MX2: variants seen among roughly 807,000 people sequenced by gnomAD.
MX2 encodes interferon-induced GTP-binding protein Mx2.
Under a neutral mutation model 74.0 loss-of-function variants are expected in MX2, and 51 were observed. The observed-to-expected ratio is 0.69, with a 90% CI of 0.55 to 0.87. The LOEUF (loss-of-function observed/expected upper bound fraction) is 0.87. MX2 is among the 40% of genes least tolerant of loss of function. MX2 has a pLI of 0.00. For synonymous variants in MX2, 369 were observed against 339.3 expected (o/e 1.09, Z -0.96); for missense variants, 832 against 908.7 (o/e 0.92, Z 1.09).
intron 4 of MX2, among the ~76,000 whole-genome samples, chr21:41,381,116 G>A (rs557531997): frequency 9.1e-4 from 138 of 152,306 alleles, no homozygotes; most frequent in African/African-American, 3.3e-3. Context: ...CCCAAATAGA[G>A]AGGTCTTCAC....
At chr21:41,375,136 T>G (rs1254684240) in intron 1 of MX2, among the ~76,000 whole-genome samples, 1 of 152,190 alleles carries the variant, frequency 6.6e-6, no homozygotes, top group African/African-American at 2.4e-5. Context: ...CACCCTCCAG[T>G]GGGCACCCAA....
chr21:41,381,454 GGC>G (rs1186215911), intron 4 of MX2, among the ~76,000 whole-genome samples: 7 of 152,128 alleles, frequency 4.6e-5, no homozygotes, highest in South Asian at 2.1e-4. Context: ...GGGAGGCCGA[GGC>G]AGGCGGATCA....
Position 41,404,564 on chromosome 21 carries a change from C to T in MX2, c.1650+1221C>T, listed in dbSNP as rs181697396. ...ACTTCAGTATTTAAAAAGGAAAGAGCGAGCAGGTGGGGAAGAAAGAAGGAA... is the reference window on the plus strand; with the variant it reads ...ACTTCAGTATTTAAAAAGGAAAGAGTGAGCAGGTGGGGAAGAAAGAAGGAA... On this transcript the variant is annotated intron_variant, in intron 12 of 13. Coordinates refer to ENST00000330714, the MANE Select transcript of MX2 (RefSeq NM_002463.2). 152 of 152,228 alleles carry T rather than the reference C, an allele frequency of 1.0e-3. 1 individual carries two copies. The highest frequency in any genetic ancestry group is 5.8e-4 in the East Asian group (3 of 5,182). 9.4% of individuals were successfully genotyped at this position (152,228 alleles called of 1,614,324 possible).
Position 41,394,394 on chromosome 21 carries a change from C to A in MX2, c.872-1193C>A, listed in dbSNP as rs115821414. Among the ~76,000 whole-genome samples the A allele has an allele frequency of 1.9e-3, 293 of 152,288 alleles. 2 individuals carry two copies. The highest frequency in any genetic ancestry group is 6.2e-3 in the African/African-American group (258 of 41,558). On this transcript the variant is annotated intron_variant, in intron 6 of 13. Coordinates refer to ENST00000330714, the MANE Select transcript of MX2 (RefSeq NM_002463.2). ...CCCCACTAGGCTGACTCCTCCCTTCCTTCAGATGTCAGTCCAAATGTTGCC... is the reference window on the plus strand; with the variant it reads ...CCCCACTAGGCTGACTCCTCCCTTCATTCAGATGTCAGTCCAAATGTTGCC...
intron 12 of MX2, 128 bp downstream of exon 12, chr21:41,403,471 AGGGCTGGCG>A (rs896136689): frequency 2.2e-6 from 2 of 894,944 alleles, no homozygotes; most frequent in African/African-American, 3.3e-5. Flanking sequence ...CGAGGCTGGC[AGGGCTGGCG>A]GGGCTGGTGG....
At chr21:41,397,840 A>C in intron 8 of MX2, 149 bp downstream of exon 8, 1 of 597,234 alleles carries the variant, frequency 1.7e-6, no homozygotes, top group Non-Finnish European at 2.9e-6. Flanking sequence ...TCACAGGCTC[A>C]CTGGAAGAAC....
intron 1 of MX2, among the ~76,000 whole-genome samples, chr21:41,374,278 T>C (rs371175822): frequency 3.9e-5 from 6 of 152,344 alleles, no homozygotes; most frequent in African/African-American, 1.4e-4. Context: ...GCCCCAACCC[T>C]ACTTTCTAAT....
At position 41,379,311 on chromosome 21, in the gene MX2, C is replaced by T. The variant is rs775607025; in HGVS notation, c.443-706C>T. ...CGGGACAATACCTCCCTATAGGGCACGGGACAAAGGTCGCGGGTTCTCAGG... is the reference window on the plus strand; with the variant it reads ...CGGGACAATACCTCCCTATAGGGCATGGGACAAAGGTCGCGGGTTCTCAGG... On this transcript the variant is annotated intron_variant, in intron 3 of 13. Coordinates refer to ENST00000330714, the MANE Select transcript of MX2 (RefSeq NM_002463.2). Among the ~76,000 whole-genome samples the T allele has an allele frequency of 2.8e-4, 43 of 152,164 alleles. 1 individual carries two copies. The highest frequency in any genetic ancestry group is 3.9e-4 in the Admixed American group (6 of 15,282).
At chr21:41,405,940 G>A (rs1312234674) in intron 12 of MX2, among the ~76,000 whole-genome samples, 2 of 151,898 alleles carry the variant, frequency 1.3e-5, no homozygotes, top group Non-Finnish European at 2.9e-5. Context: ...CTGACCTCAG[G>A]TGACCCACCT....
chr21:41,404,713 A>G (rs1008761195), intron 12 of MX2: 2 of 152,142 alleles, frequency 1.3e-5, no homozygotes, highest in Admixed American at 1.3e-4. Context: ...TCATGCATTC[A>G]TCTCGCGCTC....
chr21:41,406,590 G>T (rs2093715705), intron 12 of MX2, among the ~76,000 whole-genome samples, 154 bp from the exon 13 acceptor site: 2 of 152,126 alleles, frequency 1.3e-5, no homozygotes, highest in South Asian at 4.1e-4. Flanking sequence ...GGGCGAAGTG[G>T]GACTTTCTAA....
intron 12 of MX2, chr21:41,405,003 G>A (rs2089867102): frequency 6.6e-6 from 1 of 151,794 alleles, no homozygotes; most frequent in Non-Finnish European, 1.5e-5. Flanking sequence ...GTTTTAAAAA[G>A]TCTATTTGAA....
intron 13 of MX2, 95 bp downstream of exon 13, chr21:41,407,093 G>A (rs2089897004): frequency 2.3e-6 from 3 of 1,316,508 alleles, no homozygotes; most frequent in Admixed American, 4.8e-5. Context: ...GAGGGAAGGA[G>A]GGAGGGACCA....
chr21:41,382,694 C>T, intron 5 of MX2, 130 bp downstream of exon 5: 1 of 1,230,812 alleles, frequency 8.1e-7, no homozygotes, highest in Non-Finnish European at 1.1e-6. Flanking sequence ...GTAAGACCTG[C>T]CCAGGTGGGG....
rs1318747026 is a variant in MX2, at chr21:41,390,596, G to T, written c.764G>T (p.Arg255Met). 1 of 1,614,202 alleles carries T rather than the reference G, an allele frequency of 6.2e-7. No individual in the cohort carries two copies. Among genetic ancestry groups the T allele is most frequent in the South Asian group, 1.1e-5 (1 of 91,084 alleles). Residue 255 changes from arginine (R) to methionine (M), a missense_variant, in exon 6 of 14, where the codon AGG becomes ATG. Arg to Met is a moderately conservative substitution (Grantham distance 91). Coordinates refer to ENST00000330714, the MANE Select transcript of MX2 (RefSeq NM_002463.2). ...GCTCTCATCAAGAAGTACATCCAGA[G>T]GCAGCAGACGATCAACTTGGTGGTG... ...IKALIKKYIQ[R>M]QQTINLVVVP...
At chr21:41,401,751 A>T (rs1249720719) in intron 10 of MX2, 1 of 476,498 alleles carries the variant, frequency 2.1e-6, no homozygotes, top group African/African-American at 2.0e-5. Flanking sequence ...TTTCAATTGA[A>T]ACACATTTTC....
At chr21:41,392,574 C>A (rs1204368180) in intron 6 of MX2, among the ~76,000 whole-genome samples, 2 of 152,120 alleles carry the variant, frequency 1.3e-5, no homozygotes, top group Non-Finnish European at 2.9e-5. Flanking sequence ...TGAAAAAGTT[C>A]TGGAGATGGA....
At position 41,402,959 on chromosome 21, in the gene MX2, G is replaced by C. The variant is rs1046462267; in HGVS notation, c.1574-308G>C. ...ACTAGCTCACTGCACACCTCCTGCC[G>C]GACACGGACTGGAACTGGTCCAGCC... is the stretch of plus-strand genomic sequence containing the variant. On this transcript the variant is annotated intron_variant, in intron 11 of 13. Coordinates refer to ENST00000330714, the MANE Select transcript of MX2 (RefSeq NM_002463.2). This position sits in a 1 kb window ranked among gnomAD's most constrained non-coding sequence, Gnocchi z 4.5. The C allele has an allele frequency of 3.1e-6, 1 of 327,424 alleles. No individual in the cohort carries two copies. Among genetic ancestry groups the C allele is most frequent in the Non-Finnish European group, 5.9e-6 (1 of 168,506 alleles). The allele number at this position is 327,424 out of a possible 1,614,324, so 20.3% of individuals were successfully genotyped here.
intron 1 of MX2, among the ~76,000 whole-genome samples, chr21:41,367,660 T>A (rs1446682079): frequency 6.6e-6 from 1 of 152,350 alleles, no homozygotes; most frequent in East Asian, 1.9e-4. Flanking sequence ...GCATGCTTCT[T>A]AGTCTTCAGA....
Sources: gnomAD v4.1 joint callset for allele counts (sites outside exome capture counted in the v4.1 genomes callset) on GRCh38, gnomAD v4.1.1 for gene constraint, Gnocchi (gnomAD v3.1) non-coding constraint, MANE v1.5 for transcripts, NCBI Gene and HGNC (gene_info 2026-07-23, HGNC 2026-07-21) for gene names.